Variants in BCL7B observed in about 807,000 individuals in gnomAD.
BCL7B encodes B-cell CLL/lymphoma 7 protein family member B.
In BCL7B, 11 loss-of-function variants were observed where a neutral mutation model predicts 26.5. That is an observed-to-expected ratio of 0.42 (90% CI 0.26 to 0.69). BCL7B has a LOEUF of 0.69. BCL7B is among the 30% of genes least tolerant of loss of function. The pLI is 0.28. For synonymous variants in BCL7B, 111 were observed against 107.9 expected (o/e 1.03, Z -0.18); for missense variants, 215 against 264.4 (o/e 0.81, Z 1.30).
At chr7:73,548,165 C>T (rs111988850) in intron 2 of BCL7B, among the ~76,000 whole-genome samples, 39 of 152,086 alleles carry the variant, frequency 2.6e-4, no homozygotes, top group African/African-American at 8.9e-4. Context: ...CGCAGTGGCT[C>T]ACGCCTGTAA....
chr7:73,550,438 A>G (rs538240892), intron 2 of BCL7B, among the ~76,000 whole-genome samples: 455 of 151,902 alleles, frequency 3.0e-3, no homozygotes, highest in African/African-American at 9.9e-3. Context: ...CCAGCTGCTC[A>G]GGAGGCTGAG....
chr7:73,553,954 G>C (rs1554584451), intron 1 of BCL7B, among the ~76,000 whole-genome samples: 1 of 149,948 alleles, frequency 6.7e-6, no homozygotes, highest in Non-Finnish European at 1.5e-5. Context: ...GTGTGGAGGA[G>C]ATAGAACAAA....
intron 1 of BCL7B, chr7:73,556,901 C>T (rs13233571): frequency 0.12 from 108,381 of 937,276 alleles, 6,696 homozygotes; most frequent in Non-Finnish European, 0.12. Context: ...AAGGACTCTC[C>T]TGACAGCCGC....
At position 73,557,503 on chromosome 7, in the gene BCL7B, C is replaced by T. The variant is rs782341210; in HGVS notation, c.76G>A (p.Glu26Lys). ...DDIKKVMAAI[E>K]KVRKWEKKWV... ...GCCCCTCACCATTTCCGCACTTTCT[C>T]GATGGCCGCCATCACCTTCTTGATG... Residue 26 changes from glutamate to lysine, a missense_variant, in exon 1 of 6, where the codon GAG becomes AAG. By Grantham distance (56) the Glu-to-Lys change is moderately conservative. Transcript: ENST00000223368. 6.9e-7 allele frequency: 1 copy of T among 1,445,230 alleles called. No homozygotes were observed. The highest frequency in any genetic ancestry group is 2.9e-5 in the East Asian group (1 of 34,980). The allele number at this position is 1,445,230 out of a possible 1,614,324, so 89.5% of individuals were successfully genotyped here. A position where few individuals can be genotyped will look rare whatever the true frequency, so the allele number is the denominator to read the frequency against.
intron 3 of BCL7B, among the ~76,000 whole-genome samples, chr7:73,541,054 G>A (rs1048621703): frequency 2.0e-5 from 3 of 152,072 alleles, no homozygotes; most frequent in African/African-American, 7.2e-5. Context: ...GGCTGAGGCA[G>A]GAAAATCGCT....
In BCL7B at chr7:73,557,664, CCGCCGCAGCGTCACAGCGGCCGT is replaced by C; in HGVS notation, c.-109_-87del. ...CTCACGCGCCGCCGCCCGCCCGCCG[CCGCCGCAGCGTCACAGCGGCCGT>C]CGCCCCCTCCGTGCGCGCGTGCGCG... On this transcript the variant is annotated 5_prime_UTR_variant, in exon 1 of 6. Transcript: ENST00000223368. 1 of 801,866 alleles carries C rather than the reference CCGCCGCAGCGTCACAGCGGCCGT, an allele frequency of 1.2e-6. No homozygotes were observed. The highest frequency in any genetic ancestry group is 1.6e-6 in the Non-Finnish European group (1 of 635,152). 49.7% of individuals were successfully genotyped at this position (801,866 alleles called of 1,614,324 possible).
At position 73,536,390 on chromosome 7, in the gene BCL7B, A is replaced by G. The variant is rs1554582105; in HGVS notation, c.*908T>C. 1 of 152,532 alleles carries G rather than the reference A, an allele frequency of 6.6e-6. No individual in the cohort carries two copies. The highest frequency in any genetic ancestry group is 1.5e-5 in the Non-Finnish European group (1 of 68,030). 9.4% of individuals were successfully genotyped at this position (152,532 alleles called of 1,614,324 possible). Reference sequence around the variant, plus strand: ...AATAGTTTAATTTTAAAAATATTCTATTCAGTGCTAAAATATGTCTTCACT... The same window carrying G: ...AATAGTTTAATTTTAAAAATATTCTGTTCAGTGCTAAAATATGTCTTCACT... On this transcript the variant is annotated 3_prime_UTR_variant, in exon 6 of 6. Coordinates refer to ENST00000223368, the MANE Select transcript of BCL7B (RefSeq NM_001707.4).
At chr7:73,555,315 T>C (rs547107258) in intron 1 of BCL7B, among the ~76,000 whole-genome samples, 24 of 150,246 alleles carry the variant, frequency 1.6e-4, no homozygotes, top group Admixed American at 1.4e-3. Flanking sequence ...TGAGGCAGAA[T>C]TGCTTGAACC....
intron 3 of BCL7B, chr7:73,540,687 G>T (rs771333984): frequency 1.3e-5 from 2 of 152,070 alleles, no homozygotes; most frequent in African/African-American, 4.9e-5. Context: ...AAAATTAGCC[G>T]GCTGTGGTGG....
intron 2 of BCL7B, among the ~76,000 whole-genome samples, chr7:73,546,177 G>A (rs557398638): frequency 1.3e-4 from 20 of 150,524 alleles, no homozygotes; most frequent in Middle Eastern, 6.8e-3. Context: ...TCAGGCTTCC[G>A]TCCTCCTCGT....
intron 2 of BCL7B, among the ~76,000 whole-genome samples, chr7:73,549,219 C>CTT: frequency 6.6e-6 from 1 of 152,276 alleles, no homozygotes; most frequent in South Asian, 2.1e-4. Flanking sequence ...GAAAAATAAA[C>CTT]TACACTTAGC....
At chr7:73,555,936 A>C (rs1170984014) in intron 1 of BCL7B, among the ~76,000 whole-genome samples, 2 of 152,166 alleles carry the variant, frequency 1.3e-5, no homozygotes, top group South Asian at 4.1e-4. Flanking sequence ...AAAATCACTC[A>C]GTGCAAATGA....
rs78011235 is a variant in BCL7B, at chr7:73,545,834, T to C, written c.169-2190A>G. Among the ~76,000 whole-genome samples the C allele has an allele frequency of 8.0e-3, 1,213 of 152,146 alleles. 17 individuals carry two copies. The highest frequency in any genetic ancestry group is 0.028 in the African/African-American group (1,180 of 41,520). On this transcript the variant is annotated intron_variant, in intron 2 of 5. Coordinates refer to ENST00000223368, the MANE Select transcript of BCL7B (RefSeq NM_001707.4). ...CTAACCTCAACCTCCTAAATTCATT[T>C]ACAGAAAGGAAAACTGGCCGGGCGC...
chr7:73,556,239 C>T (rs1318514706), intron 1 of BCL7B, among the ~76,000 whole-genome samples: 2 of 152,176 alleles, frequency 1.3e-5, no homozygotes, highest in Non-Finnish European at 2.9e-5. Context: ...GGGAAATGGA[C>T]AGATAAACAC....
chr7:73,543,524 G>A, intron 3 of BCL7B, 24 bp downstream of exon 3: 2 of 1,598,576 alleles, frequency 1.3e-6, no homozygotes, highest in Non-Finnish European at 8.6e-7. Flanking sequence ...TCTCCTGCAA[G>A]GAAGACACAG....
At position 73,537,370 on chromosome 7, in the gene BCL7B, G is replaced by A. The variant is rs782560828; in HGVS notation, c.537C>T (p.Asp179=). ...LETQVVEEEE[D]SGAPPLKRFC... is the part of the protein sequence containing the mutation. ...AGCGCTTCAGGGGCGGGGCACCTGAGTCTTCCTCTTCCTCAACGACCTAGG... is the reference window on the plus strand; with the variant it reads ...AGCGCTTCAGGGGCGGGGCACCTGAATCTTCCTCTTCCTCAACGACCTAGG... Residue 179 remains aspartate (D), a synonymous_variant, in exon 6 of 6, where the codon GAC becomes GAT. Coordinates refer to ENST00000223368, the MANE Select transcript of BCL7B (RefSeq NM_001707.4). The A allele has an allele frequency of 9.3e-6, 15 of 1,614,076 alleles. No individual in the cohort carries two copies. The South Asian group carries it at 1.5e-4, about 17-fold the overall frequency.
chr7:73,557,416 C>G (rs1792415212), intron 1 of BCL7B, 71 bp downstream of exon 1: 3 of 1,206,732 alleles, frequency 2.5e-6, no homozygotes, highest in East Asian at 7.1e-5. Flanking sequence ...TCCCACCTGA[C>G]CCGCCAGTCC....
In BCL7B at chr7:73,557,669, G is replaced by T. The variant is rs565779794; in HGVS notation, c.-91C>A. On this transcript the variant is annotated 5_prime_UTR_variant, in exon 1 of 6. Coordinates refer to ENST00000223368, the MANE Select transcript of BCL7B (RefSeq NM_001707.4). ...GCGCCGCCGCCCGCCCGCCGCCGCC[G>T]CAGCGTCACAGCGGCCGTCGCCCCC... is the stretch of plus-strand genomic sequence containing the variant. 1.3e-6 allele frequency: 1 copy of T among 753,030 alleles called. No individual in the cohort carries two copies. Among genetic ancestry groups the T allele is most frequent in the Non-Finnish European group, 1.7e-6 (1 of 593,080 alleles). 46.6% of individuals were successfully genotyped at this position (753,030 alleles called of 1,614,324 possible). A position where few individuals can be genotyped will look rare whatever the true frequency, so the allele number is the denominator to read the frequency against.
chr7:73,543,737 G>T, intron 2 of BCL7B, 93 bp from the exon 3 acceptor site: 260 of 883,008 alleles, frequency 2.9e-4, no homozygotes, highest in Non-Finnish European at 2.5e-4. Flanking sequence ...CAGAGGTCTG[G>T]ATTAGGACTG....
Sources: gnomAD v4.1 joint callset for allele counts (sites outside exome capture counted in the v4.1 genomes callset) on GRCh38, gnomAD v4.1.1 for gene constraint, MANE v1.5 for transcripts, NCBI Gene and HGNC (gene_info 2026-07-23, HGNC 2026-07-21) for gene names.